PNKD: variants seen among roughly 807,000 people sequenced by gnomAD.
PNKD encodes the protein PNKD metallo-beta-lactamase domain containing, also known as probable thioesterase PNKD.
A neutral mutation model predicts 45.3 loss-of-function variants in PNKD; 36 were observed. The observed-to-expected ratio is 0.80, with a 90% confidence interval of 0.61 to 1.05. The LOEUF is 1.05. PNKD is among the 50% of genes least tolerant of loss of function. The pLI is 0.00. For missense variants in PNKD, 511 were observed against 506.6 expected (o/e 1.01, Z -0.08); for synonymous variants, 197 against 210.1 (o/e 0.94, Z 0.54).
intron 2 of PNKD, among the ~76,000 whole-genome samples, chr2:218,291,410 A>G (rs151141443): frequency 6.6e-6 from 1 of 152,248 alleles, no homozygotes; most frequent in African/African-American, 2.4e-5. Context: ...GGCCAGCCCA[A>G]AGTCGCCAGC....
intron 2 of PNKD, among the ~76,000 whole-genome samples, chr2:218,331,878 ATG>A (rs1203044372): frequency 6.6e-6 from 1 of 152,206 alleles, no homozygotes; most frequent in African/African-American, 2.4e-5. Flanking sequence ...GCTCTAGATC[ATG>A]TGTTTCCCTT....
intron 2 of PNKD, chr2:218,278,097 A>G: frequency 4.3e-6 from 5 of 1,153,458 alleles, no homozygotes; most frequent in African/African-American, 1.5e-5. Flanking sequence ...CCAAGGAGGG[A>G]GGTTGGCATG....
chr2:218,282,934 C>A (rs959864091), intron 2 of PNKD, among the ~76,000 whole-genome samples: 3 of 152,200 alleles, frequency 2.0e-5, no homozygotes, highest in African/African-American at 7.2e-5. Flanking sequence ...CAGCCTGCGA[C>A]CACAGCTGCT....
chr2:218,315,016 CTT>C (rs371658171), intron 2 of PNKD, among the ~76,000 whole-genome samples: 1 of 74,274 alleles, frequency 1.3e-5, no homozygotes, highest in South Asian at 4.5e-4. Context: ...CTTTCTTTTT[CTT>C]TCTTTCTTTC....
At chr2:218,344,307 C>T (rs965344097) in intron 8 of PNKD, 148 bp from the exon 9 acceptor site, 1 of 687,068 alleles carries the variant, frequency 1.5e-6, no homozygotes, top group Non-Finnish European at 2.7e-6. Context: ...AGAGAAGCAG[C>T]TCCTGGCAGT....
At chr2:218,325,479 T>G (rs141390854) in intron 2 of PNKD, among the ~76,000 whole-genome samples, 1 of 152,164 alleles carries the variant, frequency 6.6e-6, no homozygotes. Flanking sequence ...GTGCTGGGAT[T>G]ACAGGTGGGA....
rs533387291 is a variant in PNKD, at chr2:218,272,359, G to A, written c.236+810G>A. 1.2e-4 allele frequency among the ~76,000 whole-genome samples: 19 copies of A among 152,348 alleles called. 1 individual carries two copies. The highest frequency in any genetic ancestry group is 4.1e-4 in the African/African-American group (17 of 41,580). On this transcript the variant is annotated intron_variant, in intron 2 of 9. Coordinates refer to ENST00000273077, the MANE Select transcript of PNKD (RefSeq NM_015488.5). The stretch of plus-strand genomic sequence containing the variant: ...GCCTTTTGTGCCATGTTTGGACTTG[G>A]CCAGGAAGTGATGGAGTTACGGGGT...
intron 3 of PNKD, 62 bp downstream of exon 3, chr2:218,339,960 C>G (rs1694622432): frequency 7.1e-7 from 1 of 1,411,434 alleles, no homozygotes; most frequent in Non-Finnish European, 1.0e-6. Context: ...CCCGCCTGCT[C>G]CCCTTCACAT....
At chr2:218,321,937 T>TAGAGCA in intron 2 of PNKD, among the ~76,000 whole-genome samples, 1 of 21,490 alleles carries the variant, frequency 4.7e-5, no homozygotes, top group Non-Finnish European at 1.1e-4. Flanking sequence ...CTTGACTCTT[T>TAGAGCA]TTTTTTTTTT....
chr2:218,311,616 A>C (rs1464953595), intron 2 of PNKD, among the ~76,000 whole-genome samples: 1 of 152,222 alleles, frequency 6.6e-6, no homozygotes, highest in Admixed American at 6.5e-5. Context: ...GCGACAGAGC[A>C]GTATTGCTGC....
At chr2:218,316,482 G>T (rs1056830818) in intron 2 of PNKD, among the ~76,000 whole-genome samples, 2 of 152,060 alleles carry the variant, frequency 1.3e-5, no homozygotes, top group Non-Finnish European at 2.9e-5. Flanking sequence ...TGTTGCCCAG[G>T]CTGGTTTCGA....
At chr2:218,303,882 A>C (rs764994661) in intron 2 of PNKD, among the ~76,000 whole-genome samples, 5 of 151,144 alleles carry the variant, frequency 3.3e-5, no homozygotes, top group Middle Eastern at 3.4e-3. Flanking sequence ...CCAGACCCGC[A>C]CTTCTTTGGT....
intron 2 of PNKD, among the ~76,000 whole-genome samples, chr2:218,335,570 T>C (rs1245505035): frequency 6.6e-6 from 1 of 150,848 alleles, no homozygotes; most frequent in African/African-American, 2.4e-5. Flanking sequence ...GTGTGTTCAG[T>C]GCCTGGCCAA....
intron 2 of PNKD, among the ~76,000 whole-genome samples, chr2:218,298,671 C>T (rs551260154): frequency 2.6e-5 from 4 of 152,194 alleles, no homozygotes; most frequent in Middle Eastern, 3.4e-3. Context: ...TGAACTTGCC[C>T]GAGCTGGGAG....
intron 2 of PNKD, chr2:218,278,502 C>G (rs1574632553): frequency 6.2e-7 from 1 of 1,613,900 alleles, no homozygotes; most frequent in Non-Finnish European, 8.5e-7. Flanking sequence ...TGTGTTAAGT[C>G]TCTGGGACTC....
chr2:218,344,741 C>A, intron 9 of PNKD, 67 bp from the exon 10 acceptor site: 2 of 1,539,098 alleles, frequency 1.3e-6, no homozygotes, highest in Non-Finnish European at 1.8e-6. Context: ...GGGGTCGGGT[C>A]AGGCTTCTCT....
intron 2 of PNKD, chr2:218,277,046 C>A (rs762023612): frequency 1.2e-6 from 2 of 1,614,178 alleles, no homozygotes; most frequent in South Asian, 2.2e-5. Flanking sequence ...TCCCAGTCAC[C>A]AGGAGCACAA....
Position 218,339,884 on chromosome 2 carries a change from C to A in PNKD, c.338C>A (p.Pro113His). Residue 113 changes from proline to histidine, a missense_variant, in exon 3 of 10, where the codon CCC (proline) becomes CAC (histidine). Coordinates refer to ENST00000273077, the MANE Select transcript of PNKD (RefSeq NM_015488.5). ...CCTAAAGGCCACTCGAAAACCCAGC[C>A]CCGCCTCTTCAATGGTGAGCTCTGA... ...RYPKGHSKTQ[P>H]RLFNGVKVLP... 2 of 1,608,584 alleles carry A rather than the reference C, an allele frequency of 1.2e-6. No individual in the cohort carries two copies. Among genetic ancestry groups the A allele is most frequent in the Non-Finnish European group, 1.7e-6 (2 of 1,176,640 alleles).
At chr2:218,278,044 A>C (rs374696335) in intron 2 of PNKD, 27 of 1,573,798 alleles carry the variant, frequency 1.7e-5, no homozygotes, top group Non-Finnish European at 2.3e-5. Flanking sequence ...CTACAGCAGA[A>C]GGAAGCGCTT....
Sources: gnomAD v4.1 joint callset for allele counts (sites outside exome capture counted in the v4.1 genomes callset) on GRCh38, gnomAD v4.1.1 for gene constraint, MANE v1.5 for transcripts, NCBI Gene and HGNC (gene_info 2026-07-23, HGNC 2026-07-21) for gene names.